Variants in CRLF2 observed in about 807,000 individuals in gnomAD.
The protein encoded by CRLF2 is cytokine receptor like factor 2, also known as cytokine receptor-like factor 2.
A neutral mutation model predicts 38.7 loss-of-function variants in CRLF2; 41 were observed. The ratio of observed to expected loss-of-function variants is 1.06; its 90% CI spans 0.83 to 1.37. The LOEUF (loss-of-function observed/expected upper bound fraction) is 1.37, where lower values mean the gene tolerates loss of function less well. Among genes scored for constraint, CRLF2 ranks in the 40% most tolerant of loss-of-function variants. The probability of loss-of-function intolerance (pLI) is 0.00; values close to 1 mark genes in which losing one functional copy is unlikely to be tolerated. For missense variants in CRLF2, 377 were observed against 322.2 expected (o/e 1.17, Z -1.30); for synonymous variants, 140 against 128.8 (o/e 1.09, Z -0.59).
intron 7 of CRLF2, among the ~76,000 whole-genome samples, chrX:1,192,075 G>T (rs2086391700): frequency 6.7e-6 from 1 of 149,058 alleles, no homozygotes; most frequent in African/African-American, 2.5e-5. Flanking sequence ...TGTGGTGGCG[G>T]GCGCCTGTAG....
At chrX:1,193,154 G>C in intron 7 of CRLF2, 64 bp downstream of exon 7, 1 of 398,272 alleles carries the variant, frequency 2.5e-6, no homozygotes, top group Non-Finnish European at 4.4e-6. Context: ...AGAGAGATAG[G>C]AATGCAGGCA....
intron 3 of CRLF2, among the ~76,000 whole-genome samples, chrX:1,203,689 T>C (rs1258670887): frequency 2.0e-5 from 3 of 151,672 alleles, no homozygotes; most frequent in East Asian, 2.0e-4. Context: ...GCAGGAAGGA[T>C]CCTCCCTTAG....
rs1812431797 is a variant in CRLF2, at chrX:1,212,606, G to A, written c.29C>T (p.Ala10Val). The A allele has an allele frequency of 2.5e-6, 4 of 1,612,472 alleles. No homozygotes were observed. The highest frequency in any genetic ancestry group is 3.3e-5 in the Admixed American group (2 of 59,840). The change falls in exon 1 of 8, where the codon GCT (alanine) becomes GTT (valine). Residue 10 changes from alanine to valine, a missense_variant. Transcript: ENST00000400841. MGRLVLLWG[A>V]AVFLLGGWMA... ...CCAGCCTCCCAGCAGAAAGACGGCA[G>A]CTCCCCACAGCAGAACCAGCCGCCC...
At chrX:1,195,931 T>C (rs1267837886) in intron 6 of CRLF2, among the ~76,000 whole-genome samples, 1 of 141,822 alleles carries the variant, frequency 7.1e-6, no homozygotes, top group Non-Finnish European at 1.5e-5. Flanking sequence ...ATAGATTACA[T>C]TAAATATATT....
In CRLF2 at chrX:1,196,907, C is replaced by G. The variant is rs1569467993; in HGVS notation, c.647-7G>C. On this transcript the variant is annotated splice_polypyrimidine_tract_variant and splice_region_variant and intron_variant, in intron 5 of 7. Transcript: ENST00000400841. ...GGTGTCTCTGCACAGGCATCTGAAA[C>G]AAAATGAAAAGGCGGCTGTCAGTTT... 3.1e-6 allele frequency: 5 copies of G among 1,611,146 alleles called. No individual in the cohort carries two copies. The highest frequency in any genetic ancestry group is 4.2e-6 in the Non-Finnish European group (5 of 1,178,796).
chrX:1,210,103 C>CAAAAA (rs1290430150), intron 1 of CRLF2, among the ~76,000 whole-genome samples: 1 of 37,198 alleles, frequency 2.7e-5, no homozygotes, highest in Non-Finnish European at 4.6e-5. Context: ...GACTCCCTAT[C>CAAAAA]AAAAAAAAAA....
At chrX:1,204,168 G>GTGTGTGTGTGTGTGTGTA (rs2086655293) in intron 3 of CRLF2, among the ~76,000 whole-genome samples, 1 of 151,048 alleles carries the variant, frequency 6.6e-6, no homozygotes, top group Non-Finnish European at 1.5e-5. Context: ...GTGTGTGTGT[G>GTGTGTGTGTGTGTGTGTA]TGTGTGTGTG....
intron 1 of CRLF2, among the ~76,000 whole-genome samples, chrX:1,209,641 T>C: frequency 6.6e-6 from 1 of 152,264 alleles, no homozygotes; most frequent in East Asian, 1.9e-4. Flanking sequence ...GCTTTTGTTT[T>C]TGTTTTTGCA....
chrX:1,201,478 TGATAGAGA>T (rs1346658955), intron 4 of CRLF2, among the ~76,000 whole-genome samples: 17 of 110,636 alleles, frequency 1.5e-4, no homozygotes, highest in South Asian at 3.5e-4. Flanking sequence ...CATAGACAGA[TGATAGAGA>T]GATAGATAGA....
chrX:1,192,218 A>AAAG, intron 7 of CRLF2, among the ~76,000 whole-genome samples: 1 of 138,580 alleles, frequency 7.2e-6, no homozygotes, highest in Non-Finnish European at 1.6e-5. Context: ...AAAAAAAAAA[A>AAAG]AACAAAAAAA....
At chrX:1,194,886 G>A (rs1281143900) in intron 6 of CRLF2, among the ~76,000 whole-genome samples, 5 of 151,946 alleles carry the variant, frequency 3.3e-5, no homozygotes, top group Non-Finnish European at 7.4e-5. Flanking sequence ...ACAAAAATTA[G>A]CCAGGTGTGG....
intron 7 of CRLF2, among the ~76,000 whole-genome samples, chrX:1,192,077 C>T (rs1313173432): frequency 6.8e-4 from 101 of 148,746 alleles, no homozygotes; most frequent in African/African-American, 2.2e-3. Context: ...TGGTGGCGGG[C>T]GCCTGTAGTC....
chrX:1,194,209 G>C (rs2086441614), intron 6 of CRLF2, among the ~76,000 whole-genome samples: 2 of 152,040 alleles, frequency 1.3e-5, no homozygotes. Context: ...AGAATCACTT[G>C]AACCTGGGAG....
At chrX:1,202,345 C>T in intron 4 of CRLF2, 57 bp downstream of exon 4, 3 of 1,605,124 alleles carry the variant, frequency 1.9e-6, no homozygotes, top group Non-Finnish European at 2.6e-6. Flanking sequence ...AATCCCACAG[C>T]CCGCACCTGG....
chrX:1,194,747 G>A (rs1290899113), intron 6 of CRLF2, among the ~76,000 whole-genome samples: 1 of 151,830 alleles, frequency 6.6e-6, no homozygotes, highest in East Asian at 1.9e-4. Flanking sequence ...AGAAGAGAAG[G>A]TTGGCCAGGA....
intron 3 of CRLF2, among the ~76,000 whole-genome samples, chrX:1,203,633 C>T (rs1333346731): frequency 3.5e-5 from 5 of 142,044 alleles, no homozygotes; most frequent in Non-Finnish European, 7.7e-5. Flanking sequence ...TGGAGTGATG[C>T]GGCCACAAGC....
Position 1,206,523 on chromosome X carries a change from C to G in CRLF2, c.259G>C (p.Asp87His). ...AGAATGTCGTCTCGCTGCTCTGCGTCTAGGAGGCACCCCGAAGTGTGACCT... is the reference window on the plus strand; with the variant it reads ...AGAATGTCGTCTCGCTGCTCTGCGTGTAGGAGGCACCCCGAAGTGTGACCT... ...QEGHTSGCLL[D>H]AEQRDDILYF... Residue 87 changes from aspartate to histidine, a missense_variant, in exon 3 of 8, where the codon GAC becomes CAC. By Grantham distance (81) the Asp-to-His change is moderately conservative. Transcript: ENST00000400841. The G allele has an allele frequency of 6.2e-7, 1 of 1,613,632 alleles. No individual in the cohort carries two copies. The highest frequency in any genetic ancestry group is 2.2e-5 in the East Asian group (1 of 44,892).
At chrX:1,201,785 G>T (rs1254866094) in intron 4 of CRLF2, among the ~76,000 whole-genome samples, 1 of 147,492 alleles carries the variant, frequency 6.8e-6, no homozygotes, top group Non-Finnish European at 1.5e-5. Context: ...GTAGATGGTA[G>T]AATAGAGATA....
rs1307697066 is a variant in CRLF2 at position 1,208,848 on chromosome X, T to G, written c.140A>C (p.Asn47Thr). Residue 47 changes from asparagine (N) to threonine (T), a missense_variant, in exon 2 of 8, where the codon AAT (asparagine) becomes ACT (threonine). Physicochemically the swap from Asn to Thr is moderately conservative, Grantham distance 65. Coordinates refer to ENST00000400841, the MANE Select transcript of CRLF2 (RefSeq NM_022148.4). The stretch of plus-strand genomic sequence containing the variant: ...GTTGGTCCTGGAGTATTTGCTGGCA[T>G]TCCATGTCACCTGCACGGTTTCTAA... ...FNLETVQVTW[N>T]ASKYSRTNLT... 1 of 1,612,920 alleles carries G rather than the reference T, an allele frequency of 6.2e-7. No individual in the cohort carries two copies. Among genetic ancestry groups the G allele is most frequent in the Admixed American group, 1.7e-5 (1 of 60,000 alleles).
Sources: gnomAD v4.1 joint callset for allele counts (sites outside exome capture counted in the v4.1 genomes callset) on GRCh38, gnomAD v4.1.1 for gene constraint, MANE v1.5 for transcripts, NCBI Gene and HGNC (gene_info 2026-07-23, HGNC 2026-07-21) for gene names.